TIAM1: variants seen among roughly 807,000 people sequenced by gnomAD.
The protein encoded by TIAM1 is rho guanine nucleotide exchange factor TIAM1.
TIAM1 carries 65 observed loss-of-function variants against 163.5 expected under a neutral mutation model. The observed-to-expected ratio is 0.40, with a 90% CI of 0.33 to 0.49. TIAM1 has a LOEUF of 0.49. Ranked by LOEUF, TIAM1 falls within the 20% of genes least tolerant of loss-of-function variation. The pLI is 0.77. For synonymous variants in TIAM1, 833 were observed against 810.1 expected, an observed-to-expected ratio of 1.03 and a Z score of -0.48; for missense variants, 1,789 against 2,044.7, an observed-to-expected ratio of 0.87 and a Z score of 2.41.
intron 12 of TIAM1, 96 bp downstream of exon 12, chr21:31,202,812 C>T: frequency 8.4e-7 from 1 of 1,191,880 alleles, no homozygotes; most frequent in Non-Finnish European, 1.2e-6. Context: ...TATTTTTGAA[C>T]TCGTTCCACT....
At chr21:31,301,680 A>C (rs556109012) in intron 2 of TIAM1, among the ~76,000 whole-genome samples, 79 of 152,120 alleles carry the variant, frequency 5.2e-4, no homozygotes, top group African/African-American at 1.9e-3. Context: ...TCTTTACTAA[A>C]AATATAAAAA....
chr21:31,240,552 T>C (rs1193164264), intron 6 of TIAM1, among the ~76,000 whole-genome samples: 1 of 152,140 alleles, frequency 6.6e-6, no homozygotes, highest in Non-Finnish European at 1.5e-5. Context: ...TCTCTACATC[T>C]TCCCCAAAAC....
intron 2 of TIAM1, among the ~76,000 whole-genome samples, chr21:31,376,512 G>A (rs1172329710): frequency 6.6e-6 from 1 of 152,078 alleles, no homozygotes; most frequent in Non-Finnish European, 1.5e-5. Flanking sequence ...ATGCGTGTTT[G>A]GCACGAGATT....
intron 2 of TIAM1, among the ~76,000 whole-genome samples, chr21:31,458,228 T>C (rs958351571): frequency 2.0e-5 from 3 of 152,102 alleles, no homozygotes; most frequent in Non-Finnish European, 4.4e-5. Flanking sequence ...AAGACCAGCC[T>C]AGCCAACATA....
intron 1 of TIAM1, among the ~76,000 whole-genome samples, chr21:31,556,768 C>T (rs1018501389): frequency 2.0e-5 from 3 of 152,190 alleles, no homozygotes; most frequent in Admixed American, 6.5e-5. Flanking sequence ...AGTCAACAGC[C>T]TCTTCCTTAA....
chr21:31,302,996 G>A (rs2074560483), intron 2 of TIAM1, among the ~76,000 whole-genome samples: 1 of 152,074 alleles, frequency 6.6e-6, no homozygotes. Flanking sequence ...AATTTGAACT[G>A]GCAAACTCTG....
rs2071820877 is a variant in TIAM1, at chr21:31,251,793, C to T, written c.1360G>A (p.Val454Met). The change falls in exon 5 of 28, where the codon GTG becomes ATG. Residue 454 changes from valine (V) to methionine (M), a missense_variant. This residue lies in a region of TIAM1 where 456 missense variants were observed against 586.6 expected (regional missense o/e 0.78). Coordinates refer to ENST00000541036, the MANE Select transcript of TIAM1 (RefSeq NM_001353694.2). ...NFLVHKKNKK[V>M]ESATRRKWKH... ...CACTTCCTCCGGGTGGCTGACTCCA[C>T]CTTCTTGTTCTTCTTGTGCACCAGG... The T allele has an allele frequency of 6.2e-7, 1 of 1,609,946 alleles. No individual in the cohort carries two copies. The highest frequency in any genetic ancestry group is 1.7e-5 in the Admixed American group (1 of 59,870).
Position 31,298,735 on chromosome 21 carries a change from GGTGT to G in TIAM1, c.-188-21831_-188-21828del, listed in dbSNP as rs147701527. ...ATGGATCAGATCAGATCCAATTGAG[GGTGT>G]GTGTGTGTGTGTGTGTGTGTGTGTG... On this transcript the variant is annotated intron_variant, in intron 2 of 27. Coordinates refer to ENST00000541036, the MANE Select transcript of TIAM1 (RefSeq NM_001353694.2). Among the ~76,000 whole-genome samples, 644 of 138,558 alleles carry G rather than the reference GGTGT, an allele frequency of 4.6e-3. 4 individuals carry two copies. Among genetic ancestry groups the G allele is most frequent in the African/African-American group, 0.014 (499 of 36,014 alleles). The allele number at this position is 138,558 out of a possible 152,430, so 90.9% of individuals were successfully genotyped here. A position where few individuals can be genotyped will look rare whatever the true frequency, so the allele number is the denominator to read the frequency against.
intron 13 of TIAM1, among the ~76,000 whole-genome samples, chr21:31,191,585 G>C (rs1463547458): frequency 6.6e-6 from 1 of 152,130 alleles, no homozygotes; most frequent in Non-Finnish European, 1.5e-5. Context: ...CAACCTCCAA[G>C]CATGGGATTT....
In TIAM1 at chr21:31,427,300, T is replaced by C. The variant is rs529787151; in HGVS notation, c.-369+36683A>G. ...AGGGGATCGAGACCATCCTGGCTAA[T>C]ATGGTGAAACCCTGTCTCTACTAAA... On this transcript the variant is annotated intron_variant, in intron 2 of 28. Transcript: ENST00000286827. Among the ~76,000 whole-genome samples the C allele has an allele frequency of 3.0e-4, 46 of 152,092 alleles. No individual in the cohort carries two copies. In the East Asian group the frequency reaches 8.0e-3, roughly 26 times the overall value.
chr21:31,378,736 C>T (rs1343479369), intron 2 of TIAM1, among the ~76,000 whole-genome samples: 1 of 152,144 alleles, frequency 6.6e-6, no homozygotes, highest in African/African-American at 2.4e-5. Flanking sequence ...CCCTGGGTTC[C>T]ACCAACTGCA....
chr21:31,226,567 A>G (rs1646528564), intron 6 of TIAM1, among the ~76,000 whole-genome samples: 1 of 152,196 alleles, frequency 6.6e-6, no homozygotes, highest in Admixed American at 6.5e-5. Context: ...GAAGGGCATT[A>G]AGAAAATGGT....
intron 23 of TIAM1, among the ~76,000 whole-genome samples, chr21:31,133,555 C>G (rs1403851741): frequency 6.6e-6 from 1 of 152,212 alleles, no homozygotes; most frequent in East Asian, 1.9e-4. Flanking sequence ...AAAGTGGTAC[C>G]TAAATCCCCA....
intron 2 of TIAM1, among the ~76,000 whole-genome samples, chr21:31,358,282 G>C (rs1350696359): frequency 6.6e-6 from 1 of 152,174 alleles, no homozygotes; most frequent in Non-Finnish European, 1.5e-5. Context: ...ACCACTGTTT[G>C]ACTTCTCCAC....
chr21:31,443,856 G>A lies in TIAM1; in HGVS notation c.-369+20127C>T, dbSNP rs192917600. 2.0e-5 allele frequency among the ~76,000 whole-genome samples: 3 copies of A among 152,226 alleles called. No individual in the cohort carries two copies. The East Asian group carries it at 5.8e-4, about 29-fold the overall frequency. ...TCCCTCCTGCAAATCCCTAAAAACT[G>A]GAATTTGAAATTCATTGTATGCAAC... On this transcript the variant is annotated intron_variant, in intron 2 of 28. Coordinates refer to the TIAM1 transcript ENST00000286827.
At chr21:31,365,383 C>CTTTTTTTTTTTT (rs201546931) in intron 2 of TIAM1, among the ~76,000 whole-genome samples, 32 of 138,386 alleles carry the variant, frequency 2.3e-4, no homozygotes, top group African/African-American at 3.2e-4. Context: ...TCACTTATTT[C>CTTTTTTTTTTTT]TTTCTTTTTT....
intron 16 of TIAM1, 87 bp from the exon 17 acceptor site, chr21:31,154,513 C>A: frequency 7.3e-7 from 1 of 1,375,092 alleles, no homozygotes; most frequent in Non-Finnish European, 9.9e-7. Flanking sequence ...AGGTGTTCTC[C>A]CTGGTTAGTC....
intron 14 of TIAM1, among the ~76,000 whole-genome samples, chr21:31,184,287 G>A (rs2085174784): frequency 6.6e-6 from 1 of 152,078 alleles, no homozygotes. Context: ...TGTATTTTTA[G>A]TAGAGACAGG....
chr21:31,145,145 G>A (rs914309377), intron 20 of TIAM1, among the ~76,000 whole-genome samples: 1 of 152,060 alleles, frequency 6.6e-6, no homozygotes, highest in Non-Finnish European at 1.5e-5. Context: ...CACAGCACAC[G>A]GGAAAGGTCA....
Sources: allele counts gnomAD v4.1 joint callset (sites outside exome capture counted in the v4.1 genomes callset), GRCh38; gene constraint gnomAD v4.1.1; regional missense constraint gnomAD v4.1.1; transcripts MANE v1.5; gene names NCBI Gene and HGNC (gene_info 2026-07-23, HGNC 2026-07-21).